The following ARHGEF12 variants were observed in gnomAD, a reference collection of about 807,000 sequenced individuals.
The protein encoded by ARHGEF12 is KMT2A/ARHGEF12 fusion protein.
In ARHGEF12, 66 loss-of-function variants were observed where a neutral mutation model predicts 211.2. The observed-to-expected ratio is 0.31, with a 90% CI of 0.26 to 0.38. ARHGEF12 has a LOEUF of 0.38. ARHGEF12 is among the 10% of genes least tolerant of loss of function. The pLI is 1.00. For synonymous variants in ARHGEF12, 592 were observed against 638.4 expected (o/e 0.93, Z 1.09); for missense variants, 1,429 against 1,869.5 (o/e 0.76, Z 4.34).
At chr11:120,345,364 C>CA (rs1211249184) in intron 1 of ARHGEF12, among the ~76,000 whole-genome samples, 2 of 152,158 alleles carry the variant, frequency 1.3e-5, no homozygotes, top group African/African-American at 4.8e-5. Flanking sequence ...ATATACAAAA[C>CA]ACTATATTGC....
chr11:120,380,648 A>T (rs965269852), intron 1 of ARHGEF12, among the ~76,000 whole-genome samples: 25 of 152,194 alleles, frequency 1.6e-4, no homozygotes, highest in African/African-American at 5.8e-4. Context: ...GATGTTAACC[A>T]TGACCACTTG....
At chr11:120,463,954 CCTA>C (rs1285327961) in intron 27 of ARHGEF12, 1 of 152,162 alleles carries the variant, frequency 6.6e-6, no homozygotes, top group Non-Finnish European at 1.5e-5. Context: ...TCTACGAGCA[CCTA>C]CTAGTAAATC....
intron 37 of ARHGEF12, among the ~76,000 whole-genome samples, chr11:120,479,632 T>C (rs919339136): frequency 3.9e-5 from 6 of 152,204 alleles, no homozygotes; most frequent in African/African-American, 1.4e-4. Flanking sequence ...ATTCTAGTTA[T>C]ATAGAAGAAA....
At chr11:120,371,779 T>C (rs1414349391) in intron 1 of ARHGEF12, among the ~76,000 whole-genome samples, 4 of 152,248 alleles carry the variant, frequency 2.6e-5, no homozygotes, top group Non-Finnish European at 5.9e-5. Context: ...TTGGTTCTAT[T>C]GTTGGATGTA....
At chr11:120,353,929 G>T (rs1372516368) in intron 1 of ARHGEF12, among the ~76,000 whole-genome samples, 2 of 152,172 alleles carry the variant, frequency 1.3e-5, no homozygotes, top group African/African-American at 4.8e-5. Context: ...CTGGGGTGGA[G>T]GTGGATGCCC....
Position 120,451,486 on chromosome 11 carries a change from A to T in ARHGEF12, c.1844-26A>T, listed in dbSNP as rs770449930. On this transcript the variant is annotated intron_variant, in intron 21 of 40. Transcript: ENST00000397843. ...GCCACCGCACCCAGCCGCAATACAG[A>T]TTATTAACCATCATTTTCTGATCAG... The T allele has an allele frequency of 1.4e-5, 22 of 1,612,142 alleles. 1 individual carries two copies. In the South Asian group the frequency reaches 1.6e-4, roughly 12 times the overall value.
rs569787507 is a variant in ARHGEF12 at position 120,419,949 on chromosome 11, G to A, written c.200-804G>A. On this transcript the variant is annotated intron_variant, in intron 4 of 40. Coordinates refer to ENST00000397843, the MANE Select transcript of ARHGEF12 (RefSeq NM_015313.3). Reference sequence around the variant, plus strand: ...CTGGTCTATGATAAAACAGCCCTGGGTACTAATCAGGGTTCTACCCTGGCA... The same window carrying A: ...CTGGTCTATGATAAAACAGCCCTGGATACTAATCAGGGTTCTACCCTGGCA... Among the ~76,000 whole-genome samples, 385 of 152,220 alleles carry A rather than the reference G, an allele frequency of 2.5e-3. 3 individuals are homozygous for A. The highest frequency in any genetic ancestry group is 0.021 in the South Asian group (101 of 4,814).
At chr11:120,444,418 A>G (rs1346255633) in intron 15 of ARHGEF12, among the ~76,000 whole-genome samples, 1 of 152,200 alleles carries the variant, frequency 6.6e-6, no homozygotes, top group East Asian at 1.9e-4. Flanking sequence ...TATTTCATAT[A>G]TACACCATCA....
chr11:120,412,437 C>T (rs1944912511), intron 4 of ARHGEF12, among the ~76,000 whole-genome samples: 9 of 152,224 alleles, frequency 5.9e-5, no homozygotes, highest in Admixed American at 5.9e-4. Flanking sequence ...ATCAGGATGT[C>T]AGTGTGATCA....
chr11:120,440,811 G>A (rs1394538199), intron 13 of ARHGEF12, among the ~76,000 whole-genome samples: 1 of 152,130 alleles, frequency 6.6e-6, no homozygotes, highest in African/African-American at 2.4e-5. Flanking sequence ...TCATCATTAA[G>A]TATGATGTTA....
At chr11:120,445,343 CCTTA>C in intron 15 of ARHGEF12, 75 bp from the exon 16 acceptor site, 2 of 1,430,176 alleles carry the variant, frequency 1.4e-6, no homozygotes, top group South Asian at 2.3e-5. Context: ...AGTTGTATCC[CCTTA>C]CTTTACAGAA....
chr11:120,455,552 A>T (rs576610912), intron 22 of ARHGEF12, among the ~76,000 whole-genome samples: 1 of 152,342 alleles, frequency 6.6e-6, no homozygotes, highest in South Asian at 2.1e-4. Flanking sequence ...TTTAACTGGA[A>T]TGTACCTTTC....
At chr11:120,411,313 C>T (rs1407587661) in intron 4 of ARHGEF12, 2 of 152,092 alleles carry the variant, frequency 1.3e-5, no homozygotes, top group African/African-American at 4.8e-5. Context: ...TTTGACATTA[C>T]AAATATTTTA....
chr11:120,478,512 A>G (rs1183616409), intron 37 of ARHGEF12, 123 bp downstream of exon 37: 5 of 954,516 alleles, frequency 5.2e-6, no homozygotes, highest in Non-Finnish European at 7.8e-6. Context: ...AGATTATAGT[A>G]TTCTCTACAG....
intron 1 of ARHGEF12, among the ~76,000 whole-genome samples, chr11:120,400,712 T>C (rs1944529108): frequency 6.6e-6 from 1 of 152,190 alleles, no homozygotes; most frequent in Non-Finnish European, 1.5e-5. Context: ...CTATAATAGC[T>C]CCAGCAGAGG....
intron 1 of ARHGEF12, among the ~76,000 whole-genome samples, chr11:120,405,077 C>T (rs540203980): frequency 6.6e-6 from 1 of 152,148 alleles, no homozygotes; most frequent in South Asian, 2.1e-4. Context: ...AAATAGGTGT[C>T]GAAGGGAATT....
At chr11:120,384,209 A>G (rs1322175876) in intron 1 of ARHGEF12, among the ~76,000 whole-genome samples, 1 of 152,178 alleles carries the variant, frequency 6.6e-6, no homozygotes, top group Non-Finnish European at 1.5e-5. Flanking sequence ...GCCTTTGCCA[A>G]GGTATATGTT....
At chr11:120,416,893 G>A (rs929913456) in intron 4 of ARHGEF12, among the ~76,000 whole-genome samples, 1 of 152,028 alleles carries the variant, frequency 6.6e-6, no homozygotes, top group Non-Finnish European at 1.5e-5. Context: ...TTCGTGATCC[G>A]CCCATCTCAG....
intron 1 of ARHGEF12, among the ~76,000 whole-genome samples, chr11:120,387,585 C>G (rs958710248): frequency 1.3e-5 from 2 of 152,026 alleles, no homozygotes; most frequent in African/African-American, 4.8e-5. Flanking sequence ...AGAAGAACAC[C>G]TACGAAACAA....
Sources: gnomAD v4.1 joint callset for allele counts (sites outside exome capture counted in the v4.1 genomes callset) on GRCh38, gnomAD v4.1.1 for gene constraint, MANE v1.5 for transcripts, NCBI Gene and HGNC (gene_info 2026-07-23, HGNC 2026-07-21) for gene names.